The following SLC9C1 variants were observed in gnomAD, a reference collection of about 807,000 sequenced individuals.
The protein encoded by SLC9C1 is solute carrier family 9 member C1, also known as sodium/hydrogen exchanger 10.
SLC9C1 carries 97 observed loss-of-function variants against 140.9 expected under a neutral mutation model. The ratio of observed to expected loss-of-function variants is 0.69; its 90% confidence interval spans 0.58 to 0.82. The LOEUF is 0.82. Ranked by LOEUF, SLC9C1 falls within the 40% of genes least tolerant of loss-of-function variation. The pLI is 0.00. For missense variants in SLC9C1, 1,340 were observed against 1,389.3 expected, an observed-to-expected ratio of 0.96 and a Z score of 0.56; for synonymous variants, 440 against 442.6, an observed-to-expected ratio of 0.99 and a Z score of 0.07.
At chr3:112,251,106 A>C (rs2079443805) in intron 10 of SLC9C1, among the ~76,000 whole-genome samples, 1 of 152,216 alleles carries the variant, frequency 6.6e-6, no homozygotes, top group Admixed American at 6.5e-5. Flanking sequence ...GGCTAGAAGC[A>C]GCTAGTATGC....
At chr3:112,187,233 T>A (rs2077557432) in intron 20 of SLC9C1, among the ~76,000 whole-genome samples, 1 of 152,198 alleles carries the variant, frequency 6.6e-6, no homozygotes, top group South Asian at 2.1e-4. Context: ...AGTATCCACA[T>A]GACAGATTGC....
chr3:112,159,423 G>T (rs183566134), intron 26 of SLC9C1, among the ~76,000 whole-genome samples: 74 of 152,042 alleles, frequency 4.9e-4, no homozygotes, highest in African/African-American at 1.6e-3. Context: ...GGTCATAAAA[G>T]ATATTTGATA....
chr3:112,231,136 CTTTT>C (rs57426160), intron 13 of SLC9C1, among the ~76,000 whole-genome samples: 18 of 148,614 alleles, frequency 1.2e-4, no homozygotes, highest in African/African-American at 4.2e-4. Context: ...CTCTCTCTCT[CTTTT>C]TCTCCCTTTC....
chr3:112,148,071 A>C (rs2074856781), intron 28 of SLC9C1, among the ~76,000 whole-genome samples: 1 of 152,130 alleles, frequency 6.6e-6, no homozygotes. Context: ...TAACATTTTC[A>C]ATTGTATTTT....
At chr3:112,177,402 G>A (rs1252811888) in intron 23 of SLC9C1, among the ~76,000 whole-genome samples, 4 of 151,942 alleles carry the variant, frequency 2.6e-5, no homozygotes, top group Non-Finnish European at 5.9e-5. Context: ...CCAAGGACTT[G>A]TAGAGAACCA....
intron 13 of SLC9C1, among the ~76,000 whole-genome samples, chr3:112,224,709 C>G (rs2078634437): frequency 6.6e-6 from 1 of 150,608 alleles, no homozygotes; most frequent in Admixed American, 6.6e-5. Context: ...AATCTCTAAA[C>G]TTGAAGCCAG....
Position 112,270,185 on chromosome 3 carries a change from A to G in SLC9C1, c.614-108T>C, listed in dbSNP as rs530202014. ...TTGTCATTATCTTTAAAATTAGCTA[A>G]CTGCCACAATGAACATGAGAGTGCA... On this transcript the variant is annotated intron_variant, in intron 6 of 28. Transcript: ENST00000305815. 6.2e-6 allele frequency: 7 copies of G among 1,136,032 alleles called. No homozygotes were observed. The East Asian group carries it at 1.3e-4, about 22-fold the overall frequency. The allele number at this position is 1,136,032 out of a possible 1,614,324, so 70.4% of individuals were successfully genotyped here.
At chr3:112,141,546 T>G (rs1696893398) in intron 28 of SLC9C1, among the ~76,000 whole-genome samples, 1 of 152,150 alleles carries the variant, frequency 6.6e-6, no homozygotes, top group African/African-American at 2.4e-5. Context: ...GCATAGTTTA[T>G]GGATTGTCAG....
At chr3:112,235,097 TC>T (rs1397057566) in intron 12 of SLC9C1, among the ~76,000 whole-genome samples, 1 of 146,118 alleles carries the variant, frequency 6.8e-6, no homozygotes, top group African/African-American at 2.5e-5. Flanking sequence ...TATTGATTCT[TC>T]CTATCCATGA....
chr3:112,197,249 G>A (rs1357737224), intron 20 of SLC9C1, among the ~76,000 whole-genome samples: 1 of 152,088 alleles, frequency 6.6e-6, no homozygotes, highest in Non-Finnish European at 1.5e-5. Flanking sequence ...AGAGAAATAA[G>A]ACAAAAATAA....
intron 8 of SLC9C1, 61 bp from the exon 9 acceptor site, chr3:112,264,404 A>C: frequency 1.9e-6 from 2 of 1,031,788 alleles, no homozygotes; most frequent in Non-Finnish European, 2.6e-6. Context: ...TCTTTATTAC[A>C]AGGTTTATCT....
chr3:112,204,398 T>A lies in SLC9C1; in HGVS notation c.1992A>T (p.Ala664=), dbSNP rs748282807. The A allele has an allele frequency of 2.6e-6, 4 of 1,561,972 alleles. No individual in the cohort carries two copies. The highest frequency in any genetic ancestry group is 3.4e-6 in the Non-Finnish European group (4 of 1,163,122). ...GTGAAAAAAAGTCCTTCCTCATTGC[T>A]GCTATCTGTTGATTTAAAAGGAAAT... The part of the protein sequence containing the change: ...LYILEALLKI[A]AMRKDFFSHA... Residue 664 remains alanine (A), a synonymous_variant, in exon 17 of 29, where the codon GCA becomes GCT. Coordinates refer to ENST00000305815, the MANE Select transcript of SLC9C1 (RefSeq NM_183061.3).
intron 20 of SLC9C1, among the ~76,000 whole-genome samples, chr3:112,190,075 ATTG>A (rs2077622125): frequency 2.0e-5 from 3 of 152,116 alleles, no homozygotes; most frequent in Admixed American, 6.5e-5. Flanking sequence ...ATTTTTGCAC[ATTG>A]GTTTTGTATC....
At chr3:112,177,272 G>T (rs541657128) in intron 23 of SLC9C1, among the ~76,000 whole-genome samples, 53 of 151,782 alleles carry the variant, frequency 3.5e-4, no homozygotes, top group Non-Finnish European at 6.2e-4. Flanking sequence ...CTACCAAAGT[G>T]CTGAGATTAC....
rs1245549034 is a variant in SLC9C1 at position 112,194,106 on chromosome 3, G to T, written c.2523+5215C>A. On this transcript the variant is annotated intron_variant, in intron 20 of 28. Transcript: ENST00000305815. ...CTCACAGTAGATGGGTAGGGAGTGG[G>T]GCGTGCACACCTTATGATCCTAATC... 2.0e-5 allele frequency among the ~76,000 whole-genome samples: 3 copies of T among 152,196 alleles called. No individual in the cohort carries two copies. In the East Asian group the frequency reaches 5.8e-4, roughly 29 times the overall value.
At chr3:112,158,329 T>G (rs1185755992) in intron 26 of SLC9C1, among the ~76,000 whole-genome samples, 2 of 152,076 alleles carry the variant, frequency 1.3e-5, no homozygotes, top group Admixed American at 6.6e-5. Flanking sequence ...ATTTATTGAT[T>G]TGCATATGTT....
At chr3:112,165,683 G>A (rs929192643) in intron 26 of SLC9C1, among the ~76,000 whole-genome samples, 1 of 152,198 alleles carries the variant, frequency 6.6e-6, no homozygotes, top group Admixed American at 6.5e-5. Context: ...TGTCCCTACT[G>A]GGGGGTGCCT....
At chr3:112,289,055 G>C (rs371496167) in intron 1 of SLC9C1, among the ~76,000 whole-genome samples, 1 of 152,078 alleles carries the variant, frequency 6.6e-6, no homozygotes, top group Non-Finnish European at 1.5e-5. Context: ...CCCAGCCAAG[G>C]TTAGCAACCA....
chr3:112,143,393 A>G (rs747386829), intron 28 of SLC9C1, among the ~76,000 whole-genome samples: 1 of 152,084 alleles, frequency 6.6e-6, no homozygotes, highest in East Asian at 1.9e-4. Context: ...CTGCAGCTTC[A>G]TCATATCTGT....
Sources: allele counts gnomAD v4.1 joint callset (sites outside exome capture counted in the v4.1 genomes callset), GRCh38; gene constraint gnomAD v4.1.1; transcripts MANE v1.5; gene names NCBI Gene and HGNC (gene_info 2026-07-23, HGNC 2026-07-21).